Variants in EFR3A observed in about 807,000 individuals in gnomAD.
EFR3A encodes protein EFR3 homolog A.
In EFR3A, 76 loss-of-function variants were observed where a neutral mutation model predicts 104.4. The observed-to-expected ratio is 0.73, with a 90% CI of 0.60 to 0.88. The LOEUF (loss-of-function observed/expected upper bound fraction) is 0.88, where lower values mean the gene tolerates loss of function less well. Ranked by LOEUF, EFR3A falls within the 40% of genes least tolerant of loss-of-function variation. The pLI is 0.00. For missense variants in EFR3A, 985 were observed against 1,012.5 expected (o/e 0.97, Z 0.37); for synonymous variants, 330 against 330.0 (o/e 1.00, Z 0.00).
chr8:131,972,175 T>C (rs1390111873), intron 10 of EFR3A, among the ~76,000 whole-genome samples: 1 of 152,146 alleles, frequency 6.6e-6, no homozygotes, highest in East Asian at 1.9e-4. Context: ...TTCATTACTG[T>C]AGTTAATCAT....
intron 1 of EFR3A, among the ~76,000 whole-genome samples, chr8:131,931,556 T>G (rs1218642843): frequency 6.6e-6 from 1 of 152,162 alleles, no homozygotes; most frequent in African/African-American, 2.4e-5. Flanking sequence ...TCTTACAATC[T>G]CAATATATAT....
intron 12 of EFR3A, among the ~76,000 whole-genome samples, chr8:131,978,315 T>G (rs1820422147): frequency 6.6e-6 from 1 of 152,188 alleles, no homozygotes; most frequent in Non-Finnish European, 1.5e-5. Flanking sequence ...AGTTTTATGT[T>G]TAGAAGATAT....
chr8:131,992,224 C>A (rs568406233), intron 18 of EFR3A, among the ~76,000 whole-genome samples: 15 of 152,190 alleles, frequency 9.9e-5, no homozygotes, highest in African/African-American at 3.6e-4. Context: ...TGTGGCAATT[C>A]CATTGATGTC....
chr8:132,009,357 GAT>G (rs888844036), intron 22 of EFR3A, among the ~76,000 whole-genome samples: 5 of 152,118 alleles, frequency 3.3e-5, no homozygotes, highest in African/African-American at 1.2e-4. Context: ...ATTTTAGTAA[GAT>G]AATTTTTTTT....
chr8:131,970,167 G>A (rs1479933606), intron 9 of EFR3A, among the ~76,000 whole-genome samples: 1 of 152,178 alleles, frequency 6.6e-6, no homozygotes, highest in African/African-American at 2.4e-5. Context: ...ATTGTGAACA[G>A]ATAAGATTAA....
chr8:132,007,522 T>C (rs1822113426), intron 22 of EFR3A, among the ~76,000 whole-genome samples: 1 of 151,958 alleles, frequency 6.6e-6, no homozygotes, highest in Non-Finnish European at 1.5e-5. Flanking sequence ...GGATTAAATA[T>C]TGTTTATATG....
At chr8:131,933,756 A>G (rs2130514933) in intron 1 of EFR3A, among the ~76,000 whole-genome samples, 1 of 152,188 alleles carries the variant, frequency 6.6e-6, no homozygotes, top group Admixed American at 6.5e-5. Context: ...GTGGGAAAAA[A>G]TCAGATATAA....
chr8:131,992,906 T>A (rs537680869), intron 18 of EFR3A, among the ~76,000 whole-genome samples: 120 of 152,230 alleles, frequency 7.9e-4, no homozygotes, highest in Non-Finnish European at 1.3e-3. Flanking sequence ...GTGGTTAGTG[T>A]TTTAAGAAGC....
chr8:131,953,318 G>A (rs1005992852), intron 5 of EFR3A, among the ~76,000 whole-genome samples: 4 of 151,886 alleles, frequency 2.6e-5, no homozygotes, highest in East Asian at 3.9e-4. Context: ...GCTCCATTTC[G>A]ATAGTTCTTA....
At chr8:131,977,340 C>T (rs931110080) in intron 12 of EFR3A, among the ~76,000 whole-genome samples, 4 of 152,016 alleles carry the variant, frequency 2.6e-5, no homozygotes, top group Admixed American at 1.3e-4. Context: ...GTCTTATAGA[C>T]GAAGATACCT....
intron 1 of EFR3A, among the ~76,000 whole-genome samples, chr8:131,916,271 T>G (rs1228960256): frequency 6.6e-6 from 1 of 152,208 alleles, no homozygotes; most frequent in African/African-American, 2.4e-5. Flanking sequence ...GGCTTTGGAC[T>G]TGGATGGTGG....
chr8:131,958,376 G>A (rs931306073), intron 7 of EFR3A, among the ~76,000 whole-genome samples: 3 of 152,198 alleles, frequency 2.0e-5, no homozygotes, highest in Admixed American at 2.0e-4. Flanking sequence ...TCTGCATTTT[G>A]TTCTGTAAAT....
intron 1 of EFR3A, among the ~76,000 whole-genome samples, chr8:131,914,411 C>T (rs1174978247): frequency 1.3e-5 from 2 of 152,172 alleles, no homozygotes; most frequent in African/African-American, 4.8e-5. Context: ...AGCTCCTTCC[C>T]CTGGCACAGC....
chr8:131,933,736 A>C (rs1351510694), intron 1 of EFR3A, among the ~76,000 whole-genome samples: 1 of 152,078 alleles, frequency 6.6e-6, no homozygotes, highest in East Asian at 1.9e-4. Context: ...TTAAATTAAA[A>C]ATTGTAATAG....
intron 1 of EFR3A, 97 bp downstream of exon 1, chr8:131,904,419 C>A: frequency 8.8e-7 from 1 of 1,133,592 alleles, no homozygotes; most frequent in Non-Finnish European, 1.1e-6. Context: ...GGAGGCTGGG[C>A]CGCGCTGAGC....
intron 18 of EFR3A, among the ~76,000 whole-genome samples, chr8:131,992,925 CATG>C (rs1821270061): frequency 6.6e-6 from 1 of 152,146 alleles, no homozygotes; most frequent in Non-Finnish European, 1.5e-5. Flanking sequence ...GCTTAGTTAA[CATG>C]GTGGTGACAT....
At chr8:131,940,709 A>G in intron 2 of EFR3A, 134 bp downstream of exon 2, 1 of 1,361,356 alleles carries the variant, frequency 7.3e-7, no homozygotes, top group Non-Finnish European at 9.6e-7. Flanking sequence ...CTTTTTTTAT[A>G]CTTTTCTTTT....
chr8:131,978,451 C>T (rs1820425973), intron 12 of EFR3A, among the ~76,000 whole-genome samples: 1 of 152,064 alleles, frequency 6.6e-6, no homozygotes, highest in African/African-American at 2.4e-5. Context: ...TTAAAATTTG[C>T]AGGTCTTACT....
chr8:132,003,460 T>C (rs1187442362), intron 22 of EFR3A, among the ~76,000 whole-genome samples, 175 bp downstream of exon 22: 1 of 152,236 alleles, frequency 6.6e-6, no homozygotes, highest in Admixed American at 6.5e-5. Context: ...TTCTGTTTTT[T>C]AGGCAGAGTC....
Sources: allele counts gnomAD v4.1 joint callset (sites outside exome capture counted in the v4.1 genomes callset), GRCh38; gene constraint gnomAD v4.1.1; transcripts MANE v1.5; gene names NCBI Gene and HGNC (gene_info 2026-07-23, HGNC 2026-07-21).